The following RBFOX1 variants were observed in gnomAD, a reference collection of about 807,000 sequenced individuals.
RBFOX1 encodes the protein RNA binding fox-1 homolog 1.
Under a neutral mutation model 57.7 loss-of-function variants are expected in RBFOX1, and 8 were observed. The observed-to-expected ratio is 0.14, with a 90% CI of 0.08 to 0.25. RBFOX1 has a LOEUF of 0.25. Among genes scored for constraint, RBFOX1 ranks in the 10% least tolerant of loss-of-function variants. RBFOX1 has a pLI of 1.00. For synonymous variants in RBFOX1, 326 were observed against 222.4 expected (o/e 1.47, Z -4.15); for missense variants, 611 against 548.5 (o/e 1.11, Z -1.14).
chr16:7,319,804 C>G (rs1343481517), intron 4 of RBFOX1, among the ~76,000 whole-genome samples: 1 of 152,094 alleles, frequency 6.6e-6, no homozygotes, highest in Non-Finnish European at 1.5e-5. Context: ...CCTCCCTGCT[C>G]AAGTTGCCAT....
chr16:7,328,803 G>A (rs1230029480), intron 4 of RBFOX1: 3 of 152,118 alleles, frequency 2.0e-5, no homozygotes, highest in African/African-American at 4.8e-5. Flanking sequence ...CAGCAAAGGA[G>A]CGAGTATTTG....
At chr16:7,187,061 G>C (rs1244160925) in intron 4 of RBFOX1, among the ~76,000 whole-genome samples, 4 of 151,440 alleles carry the variant, frequency 2.6e-5, no homozygotes, top group African/African-American at 9.7e-5. Flanking sequence ...CCAGCTACTT[G>C]GGAGGTTGAG....
At chr16:6,131,236 C>G (rs2096627554) in intron 1 of RBFOX1, among the ~76,000 whole-genome samples, 1 of 152,188 alleles carries the variant, frequency 6.6e-6, no homozygotes, top group African/African-American at 2.4e-5. Context: ...TATGTGTGTA[C>G]ACATTTATCA....
At chr16:6,879,478 C>T (rs368390783) in intron 3 of RBFOX1, among the ~76,000 whole-genome samples, 28 of 152,090 alleles carry the variant, frequency 1.8e-4, no homozygotes, top group African/African-American at 6.0e-4. Context: ...TGATTGATGA[C>T]CCCATCATGA....
At chr16:6,176,994 C>T (rs1220354773) in intron 1 of RBFOX1, among the ~76,000 whole-genome samples, 2 of 152,144 alleles carry the variant, frequency 1.3e-5, no homozygotes, top group African/African-American at 4.8e-5. Flanking sequence ...GGATGGTAAC[C>T]ATTCCAAGTG....
chr16:7,346,734 TC>T (rs1220257122), intron 4 of RBFOX1, among the ~76,000 whole-genome samples: 1 of 152,102 alleles, frequency 6.6e-6, no homozygotes, highest in Non-Finnish European at 1.5e-5. Flanking sequence ...CTGTTGGGCT[TC>T]CTGTGGGTTG....
At chr16:7,441,844 T>C (rs2098770172) in intron 4 of RBFOX1, among the ~76,000 whole-genome samples, 1 of 152,126 alleles carries the variant, frequency 6.6e-6, no homozygotes, top group Non-Finnish European at 1.5e-5. Flanking sequence ...TGCTTCACGA[T>C]CCACTGGCTG....
Position 5,947,006 on chromosome 16 carries a change from GTT to G in RBFOX1, c.351+79673_351+79674del, listed in dbSNP as rs2059413288. On this transcript the variant is annotated intron_variant, in intron 4 of 19. Transcript: ENST00000641259. The surrounding 1 kb of genome is among the most constrained non-coding windows in gnomAD (Gnocchi z 7.2). ...GTAGGAGGATTGCTTGAGGCCAGGA[GTT>G]TGAGACCAGCTCTAGCAATATAGTG... 6.6e-6 allele frequency among the ~76,000 whole-genome samples: 1 copy of G among 152,176 alleles called. No homozygotes were observed. The highest frequency in any genetic ancestry group is 2.4e-5 in the African/African-American group (1 of 41,436).
intron 3 of RBFOX1, among the ~76,000 whole-genome samples, chr16:6,850,868 C>G (rs1481907326): frequency 1.3e-5 from 2 of 152,198 alleles, no homozygotes; most frequent in Non-Finnish European, 2.9e-5. Context: ...CAATTGCACA[C>G]TTGGGCATTT....
At position 6,097,315 on chromosome 16, in the gene RBFOX1, C is replaced by G. The variant is rs747707570; in HGVS notation, c.-127+77323C>G. Reference sequence around the variant, plus strand: ...GCATAAAAACAGACTAACATAACCCCCCTTTCTTCCTACCCCTGTGATTTG... The same window carrying G: ...GCATAAAAACAGACTAACATAACCCGCCTTTCTTCCTACCCCTGTGATTTG... On this transcript the variant is annotated intron_variant, in intron 1 of 15. Coordinates refer to ENST00000550418, the MANE Select transcript of RBFOX1 (RefSeq NM_018723.4). This position sits in a 1 kb window ranked among gnomAD's most constrained non-coding sequence, Gnocchi z 5.0. Among the ~76,000 whole-genome samples the G allele has an allele frequency of 6.6e-6, 1 of 152,120 alleles. No homozygotes were observed. The highest frequency in any genetic ancestry group is 2.4e-5 in the African/African-American group (1 of 41,426).
intron 4 of RBFOX1, among the ~76,000 whole-genome samples, chr16:7,504,444 G>A (rs2072085909): frequency 6.6e-6 from 1 of 151,442 alleles, no homozygotes; most frequent in Non-Finnish European, 1.5e-5. Context: ...TTTTGCCTAG[G>A]ATACTAAAAG....
At chr16:6,571,922 C>G (rs1053466864) in intron 2 of RBFOX1, among the ~76,000 whole-genome samples, 3 of 152,112 alleles carry the variant, frequency 2.0e-5, no homozygotes, top group Admixed American at 1.3e-4. Context: ...ACTTTTATTA[C>G]AATTATGATT....
chr16:7,400,470 A>G (rs932431980), intron 4 of RBFOX1, among the ~76,000 whole-genome samples: 5 of 152,152 alleles, frequency 3.3e-5, no homozygotes, highest in African/African-American at 1.2e-4. Flanking sequence ...CTTTTTTTTA[A>G]TTTAAATTTA....
rs572252433 is a variant in RBFOX1 at position 7,101,285 on chromosome 16, C to G, written c.27+49187C>G. On this transcript the variant is annotated intron_variant, in intron 4 of 15. Coordinates refer to ENST00000550418, the MANE Select transcript of RBFOX1 (RefSeq NM_018723.4). ...GAGTGCAGTGCCAGCTCGCCGCTAG[C>G]TTGGATGAATACATGACACACCATT... is the stretch of plus-strand genomic sequence containing the variant. 7.2e-5 allele frequency among the ~76,000 whole-genome samples: 11 copies of G among 152,210 alleles called. No individual in the cohort carries two copies. The South Asian group carries it at 1.5e-3, about 20-fold the overall frequency.
intron 3 of RBFOX1, among the ~76,000 whole-genome samples, chr16:6,662,620 G>A (rs1223783831): frequency 6.6e-6 from 1 of 151,410 alleles, no homozygotes; most frequent in Non-Finnish European, 1.5e-5. Flanking sequence ...CAGACCTTGA[G>A]ACTACATCAA....
intron 6 of RBFOX1, among the ~76,000 whole-genome samples, chr16:7,585,127 C>G (rs1338106593): frequency 6.6e-6 from 1 of 152,154 alleles, no homozygotes; most frequent in South Asian, 2.1e-4. Context: ...GCTCTTATGC[C>G]TGAAATAAAT....
chr16:5,937,985 A>G (rs1383389922), intron 4 of RBFOX1, among the ~76,000 whole-genome samples: 4 of 152,278 alleles, frequency 2.6e-5, no homozygotes, highest in Middle Eastern at 3.4e-3. Flanking sequence ...TTGAATAGTT[A>G]TTAATTTAAA....
At chr16:5,790,862 T>G (rs968795410) in intron 3 of RBFOX1, among the ~76,000 whole-genome samples, 2 of 132,506 alleles carry the variant, frequency 1.5e-5, no homozygotes, top group Admixed American at 7.9e-5. Context: ...GGTCTTTATT[T>G]TTTTTTTTTT....
At chr16:7,295,160 G>A (rs899761783) in intron 4 of RBFOX1, among the ~76,000 whole-genome samples, 1 of 152,160 alleles carries the variant, frequency 6.6e-6, no homozygotes, top group East Asian at 1.9e-4. Flanking sequence ...GTGTAAGCTG[G>A]CATTCATTTG....
Sources: gnomAD v4.1 joint callset for allele counts (sites outside exome capture counted in the v4.1 genomes callset) on GRCh38, gnomAD v4.1.1 for gene constraint, Gnocchi (gnomAD v3.1) non-coding constraint, MANE v1.5 for transcripts, NCBI Gene and HGNC (gene_info 2026-07-23, HGNC 2026-07-21) for gene names.